Variants in ZPBP observed in about 807,000 individuals in gnomAD.
ZPBP encodes the protein zona pellucida binding protein, also known as zona pellucida-binding protein 1.
Under a neutral mutation model 44.8 loss-of-function variants are expected in ZPBP, and 26 were observed. That is an observed-to-expected ratio of 0.58 (90% CI 0.43 to 0.81). The LOEUF is 0.81. ZPBP is among the 30% of genes least tolerant of loss of function. The probability of loss-of-function intolerance (pLI) is 0.00; values close to 1 mark genes in which losing one functional copy is unlikely to be tolerated. For missense variants in ZPBP, 409 were observed against 434.0 expected, an observed-to-expected ratio of 0.94 and a Z score of 0.51; for synonymous variants, 174 against 153.2, an observed-to-expected ratio of 1.14 and a Z score of -1.00.
At chr7:49,916,986 A>T (rs1793758104) in intron 1 of ZPBP, 1 of 152,236 alleles carries the variant, frequency 6.6e-6, no homozygotes, top group South Asian at 2.1e-4. Flanking sequence ...CTGGCCCTTT[A>T]TGATAAAGGA....
intron 2 of ZPBP, among the ~76,000 whole-genome samples, chr7:49,881,308 TAA>T (rs1353027623): frequency 1.3e-5 from 2 of 152,120 alleles, no homozygotes; most frequent in African/African-American, 4.8e-5. Context: ...TGCTGGCCTA[TAA>T]GAGACTCCAC....
intron 2 of ZPBP, among the ~76,000 whole-genome samples, chr7:49,859,237 A>G (rs1790550772): frequency 6.6e-6 from 1 of 152,154 alleles, no homozygotes; most frequent in Non-Finnish European, 1.5e-5. Flanking sequence ...ATCTTGAGTT[A>G]CCATTTGGGG....
At chr7:49,879,179 T>G (rs1430895684) in intron 2 of ZPBP, among the ~76,000 whole-genome samples, 1 of 152,184 alleles carries the variant, frequency 6.6e-6, no homozygotes, top group Non-Finnish European at 1.5e-5. Flanking sequence ...CACTTGATTC[T>G]CTATAGTTTT....
rs552311230 is a variant in ZPBP at position 49,851,420 on chromosome 7, C to T, written n.510-906G>A. Among the ~76,000 whole-genome samples, 18 of 152,326 alleles carry T rather than the reference C, an allele frequency of 1.2e-4. No homozygotes were observed. The South Asian group carries it at 3.1e-3, about 26-fold the overall frequency. ...ACACCAGAGCCTGGCTCATAGCAGACGGGCACTTAAGGATGTCTGCCCACA... is the reference window on the plus strand; with the variant it reads ...ACACCAGAGCCTGGCTCATAGCAGATGGGCACTTAAGGATGTCTGCCCACA... On this transcript the variant is annotated intron_variant and non_coding_transcript_variant, in intron 2 of 2. Transcript: ENST00000465922.
rs145279078 is a variant in ZPBP at position 49,960,083 on chromosome 7, C to T, written c.962-22461G>A. ...CTCACACCAAACAGAAAAATCAACT[C>T]AAAATGGATCATGGACCTAAATGCG... On this transcript the variant is annotated intron_variant, in intron 7 of 7. Coordinates refer to ENST00000046087, the MANE Select transcript of ZPBP (RefSeq NM_007009.3). 4.9e-4 allele frequency among the ~76,000 whole-genome samples: 75 copies of T among 152,136 alleles called. 1 individual carries two copies. The highest frequency in any genetic ancestry group is 1.6e-3 in the African/African-American group (67 of 41,526).
chr7:49,863,756 A>C (rs568755486), intron 2 of ZPBP, among the ~76,000 whole-genome samples: 148 of 151,878 alleles, frequency 9.7e-4, no homozygotes, highest in Non-Finnish European at 1.9e-3. Flanking sequence ...TATTTTGTTT[A>C]TCCTGTGCTA....
intron 6 of ZPBP, among the ~76,000 whole-genome samples, chr7:50,005,821 A>ATGTG (rs1384784137): frequency 9.4e-6 from 1 of 105,912 alleles, no homozygotes; most frequent in Non-Finnish European, 1.9e-5. Context: ...TCATAACTAT[A>ATGTG]TATGTGTGTG....
At chr7:49,999,927 T>A (rs1320093843) in intron 6 of ZPBP, among the ~76,000 whole-genome samples, 2 of 152,044 alleles carry the variant, frequency 1.3e-5, no homozygotes, top group Non-Finnish European at 2.9e-5. Context: ...ATCTTTCTTC[T>A]CGCCAAATTT....
At chr7:49,966,122 A>G (rs978246054) in intron 7 of ZPBP, among the ~76,000 whole-genome samples, 2 of 152,144 alleles carry the variant, frequency 1.3e-5, no homozygotes, top group African/African-American at 4.8e-5. Flanking sequence ...AAATACTTGA[A>G]ACAGACACTG....
intron 2 of ZPBP, among the ~76,000 whole-genome samples, chr7:49,882,179 A>T (rs1562750676): frequency 6.6e-6 from 1 of 152,150 alleles, no homozygotes; most frequent in Non-Finnish European, 1.5e-5. Flanking sequence ...TTCTTTTATT[A>T]ATTTAAAAGA....
At chr7:49,938,532 T>C (rs1169753600) in intron 7 of ZPBP, among the ~76,000 whole-genome samples, 2 of 152,176 alleles carry the variant, frequency 1.3e-5, no homozygotes, top group African/African-American at 4.8e-5. Context: ...TAATAACCAA[T>C]TTCATAACAT....
At chr7:50,068,991 C>T (rs796828971) in intron 3 of ZPBP, among the ~76,000 whole-genome samples, 2 of 152,176 alleles carry the variant, frequency 1.3e-5, no homozygotes, top group Non-Finnish European at 2.9e-5. Context: ...TGCTAAAGCT[C>T]GACTGCATCA....
intron 2 of ZPBP, among the ~76,000 whole-genome samples, chr7:50,089,017 T>C (rs1802809005): frequency 6.6e-6 from 1 of 152,058 alleles, no homozygotes; most frequent in Non-Finnish European, 1.5e-5. Flanking sequence ...ACTCCATTTA[T>C]ATGAAATTTC....
chr7:50,087,291 T>C (rs191759780), intron 2 of ZPBP, among the ~76,000 whole-genome samples: 95 of 152,006 alleles, frequency 6.2e-4, no homozygotes, highest in Admixed American at 1.4e-3. Context: ...CAACCAAATC[T>C]AGCAACATAA....
rs189113579 is a variant in ZPBP at position 50,060,209 on chromosome 7, G to T, written c.335-2068C>A. 2.7e-3 allele frequency among the ~76,000 whole-genome samples: 407 copies of T among 150,890 alleles called. 7 individuals are homozygous for T. The highest frequency in any genetic ancestry group is 0.025 in the Admixed American group (381 of 15,250). On this transcript the variant is annotated intron_variant, in intron 3 of 7. Transcript: ENST00000046087. ...GCAAGGGAGAGATTCTTGGAGTGTT[G>T]GCGGGGACAAGACTCCACTGCATGG...
downstream of ZPBP, among the ~76,000 whole-genome samples, chr7:49,933,767 C>G (rs968026246): frequency 2.6e-5 from 4 of 152,028 alleles, no homozygotes; most frequent in African/African-American, 9.7e-5. Flanking sequence ...ATGGATGAAG[C>G]TGGAAACCAT....
intron 2 of ZPBP, among the ~76,000 whole-genome samples, chr7:50,085,193 A>G (rs1374273647): frequency 6.6e-6 from 1 of 152,178 alleles, no homozygotes; most frequent in Non-Finnish European, 1.5e-5. Flanking sequence ...ACAGAGTGAT[A>G]GGGAAAAGAT....
intron 1 of ZPBP, chr7:49,916,847 C>G (rs962644468): frequency 2.6e-5 from 4 of 152,142 alleles, no homozygotes; most frequent in Non-Finnish European, 5.9e-5. Context: ...ATCAAATACC[C>G]CAAATACCCC....
At chr7:49,989,418 G>C (rs552608483) in intron 6 of ZPBP, among the ~76,000 whole-genome samples, 2 of 152,190 alleles carry the variant, frequency 1.3e-5, no homozygotes, top group African/African-American at 2.4e-5. Context: ...TCCTATCTGA[G>C]ATTCCTTGTG....
Sources: gnomAD v4.1 joint callset for allele counts (sites outside exome capture counted in the v4.1 genomes callset) on GRCh38, gnomAD v4.1.1 for gene constraint, MANE v1.5 for transcripts, NCBI Gene and HGNC (gene_info 2026-07-23, HGNC 2026-07-21) for gene names.